The following GPC5 variants were observed in gnomAD, a reference collection of about 807,000 sequenced individuals.
GPC5 encodes the protein glypican 5.
In GPC5, 47 loss-of-function variants were observed where a neutral mutation model predicts 53.9. The ratio of observed to expected loss-of-function variants is 0.87; its 90% confidence interval spans 0.69 to 1.11. The LOEUF (loss-of-function observed/expected upper bound fraction) is 1.11, where lower values mean the gene tolerates loss of function less well. Ranked by LOEUF, GPC5 falls within the 50% of genes most tolerant of loss-of-function variation. GPC5 has a pLI of 0.00. For synonymous variants in GPC5, 286 were observed against 263.3 expected (o/e 1.09, Z -0.84); for missense variants, 748 against 713.1 (o/e 1.05, Z -0.56).
intron 5 of GPC5, among the ~76,000 whole-genome samples, chr13:91,902,710 G>A (rs188522267): frequency 2.4e-4 from 37 of 152,032 alleles, no homozygotes; most frequent in African/African-American, 8.2e-4. Flanking sequence ...ATGTCACGAG[G>A]GGAACTCAAA....
intron 7 of GPC5, among the ~76,000 whole-genome samples, chr13:92,588,336 C>A (rs1025491468): frequency 6.6e-6 from 1 of 152,122 alleles, no homozygotes; most frequent in African/African-American, 2.4e-5. Flanking sequence ...TGATGGGATA[C>A]CCAAAGGATT....
intron 2 of GPC5, among the ~76,000 whole-genome samples, chr13:91,615,274 T>G (rs1482066432): frequency 6.6e-6 from 1 of 152,196 alleles, no homozygotes; most frequent in African/African-American, 2.4e-5. Context: ...GTAACTGGCC[T>G]TTTGTATATG....
intron 7 of GPC5, among the ~76,000 whole-genome samples, chr13:92,477,882 T>C (rs1257477716): frequency 6.6e-6 from 1 of 152,154 alleles, no homozygotes. Flanking sequence ...TCCAGTAAAC[T>C]ATCTGGTATG....
At chr13:92,663,825 T>C (rs967444918) in intron 7 of GPC5, among the ~76,000 whole-genome samples, 14 of 126,850 alleles carry the variant, frequency 1.1e-4, no homozygotes, top group African/African-American at 2.0e-4. Flanking sequence ...TATATATATA[T>C]ACACACACTA....
chr13:91,758,116 T>C (rs889860659), intron 5 of GPC5, among the ~76,000 whole-genome samples: 27 of 152,222 alleles, frequency 1.8e-4, no homozygotes, highest in Admixed American at 1.6e-3. Flanking sequence ...ATATGACTAG[T>C]GCTCTTTTTT....
At chr13:91,643,514 A>G (rs1414805189) in intron 2 of GPC5, among the ~76,000 whole-genome samples, 1 of 152,256 alleles carries the variant, frequency 6.6e-6, no homozygotes, top group Non-Finnish European at 1.5e-5. Flanking sequence ...TTATGTTGAT[A>G]ACATGCTAAA....
chr13:91,706,504 A>C (rs1041387111), intron 3 of GPC5, among the ~76,000 whole-genome samples: 1 of 152,126 alleles, frequency 6.6e-6, no homozygotes, highest in African/African-American at 2.4e-5. Flanking sequence ...TTAAGCAAAA[A>C]ATATTTCACA....
At chr13:92,556,568 T>C (rs898416276) in intron 7 of GPC5, among the ~76,000 whole-genome samples, 10 of 151,850 alleles carry the variant, frequency 6.6e-5, no homozygotes, top group Non-Finnish European at 1.5e-4. Flanking sequence ...TGTCAGTTAA[T>C]GCAGACATGA....
intron 7 of GPC5, among the ~76,000 whole-genome samples, chr13:92,789,102 A>G (rs1876366749): frequency 6.6e-6 from 1 of 151,848 alleles, no homozygotes; most frequent in African/African-American, 2.4e-5. Context: ...GAATGGCCCA[A>G]CTCCTGTACC....
intron 7 of GPC5, among the ~76,000 whole-genome samples, chr13:92,441,916 A>G (rs1877586913): frequency 6.6e-6 from 1 of 152,234 alleles, no homozygotes; most frequent in Non-Finnish European, 1.5e-5. Context: ...AGCCAGAGGC[A>G]TCACAAATAT....
intron 7 of GPC5, among the ~76,000 whole-genome samples, chr13:92,318,674 A>G (rs189674401): frequency 1.5e-4 from 23 of 152,258 alleles, no homozygotes; most frequent in African/African-American, 5.3e-4. Context: ...ATGATTCCAT[A>G]CCATCTTAAT....
intron 5 of GPC5, among the ~76,000 whole-genome samples, chr13:91,836,848 A>C (rs1289319840): frequency 6.6e-6 from 1 of 151,522 alleles, no homozygotes; most frequent in Non-Finnish European, 1.5e-5. Context: ...AAACCTTAAA[A>C]GTATAATTAT....
chr13:91,943,531 A>G (rs2039947566), intron 6 of GPC5, among the ~76,000 whole-genome samples: 1 of 152,176 alleles, frequency 6.6e-6, no homozygotes, highest in Admixed American at 6.5e-5. Flanking sequence ...TTACTGAATG[A>G]TGGATAACTG....
chr13:92,838,509 G>T (rs1190397006), intron 7 of GPC5, among the ~76,000 whole-genome samples: 1 of 146,780 alleles, frequency 6.8e-6, no homozygotes, highest in African/African-American at 2.5e-5. Context: ...AGAAAAAAAA[G>T]AAAGTAAACC....
At chr13:91,866,981 C>T (rs1456725774) in intron 5 of GPC5, among the ~76,000 whole-genome samples, 4 of 152,138 alleles carry the variant, frequency 2.6e-5, no homozygotes, top group South Asian at 2.1e-4. Context: ...TTTGGGAGGC[C>T]AAGGCGGGCA....
intron 7 of GPC5, among the ~76,000 whole-genome samples, chr13:92,545,382 G>A (rs545801244): frequency 1.3e-4 from 20 of 152,200 alleles, no homozygotes; most frequent in South Asian, 1.0e-3. Flanking sequence ...ATAAACATAC[G>A]TGTGCATGTG....
At chr13:92,508,828 G>T (rs1880466443) in intron 7 of GPC5, among the ~76,000 whole-genome samples, 1 of 152,142 alleles carries the variant, frequency 6.6e-6, no homozygotes. Flanking sequence ...CTGTATTTTA[G>T]GTTGTGCTAA....
At chr13:91,792,043 C>G (rs910794216) in intron 5 of GPC5, among the ~76,000 whole-genome samples, 2 of 152,186 alleles carry the variant, frequency 1.3e-5, no homozygotes, top group African/African-American at 4.8e-5. Context: ...GACAGTATCT[C>G]AGAGAGTAAG....
intron 7 of GPC5, among the ~76,000 whole-genome samples, chr13:92,825,122 T>C (rs1426718524): frequency 6.6e-6 from 1 of 152,112 alleles, no homozygotes; most frequent in East Asian, 1.9e-4. Flanking sequence ...TTTGATCAAA[T>C]ATACATTGCC....
Sources: allele counts gnomAD v4.1 joint callset (sites outside exome capture counted in the v4.1 genomes callset), GRCh38; gene constraint gnomAD v4.1.1; transcripts MANE v1.5; gene names NCBI Gene and HGNC (gene_info 2026-07-23, HGNC 2026-07-21).